The following FBXL13 variants were observed in gnomAD, a reference collection of about 807,000 sequenced individuals.
FBXL13 encodes F-box and leucine-rich repeat protein 13.
Under a neutral mutation model 83.6 loss-of-function variants are expected in FBXL13, and 67 were observed. That is an observed-to-expected ratio of 0.80 (90% CI 0.66 to 0.98). The LOEUF (loss-of-function observed/expected upper bound fraction) is 0.98. Among genes scored for constraint, FBXL13 ranks in the 50% least tolerant of loss-of-function variants. FBXL13 has a pLI of 0.00. For missense variants in FBXL13, 822 were observed against 866.5 expected (o/e 0.95, Z 0.64); for synonymous variants, 272 against 299.5 (o/e 0.91, Z 0.95).
intron 9 of FBXL13, among the ~76,000 whole-genome samples, chr7:102,928,855 G>A (rs978853215): frequency 2.0e-5 from 3 of 152,188 alleles, no homozygotes; most frequent in Admixed American, 6.5e-5. Context: ...AGGAGCCCAC[G>A]TTCACTTTGC....
Position 103,037,157 on chromosome 7 carries a change from C to T in FBXL13, c.1-7739G>A, listed in dbSNP as rs1314033111. Among the ~76,000 whole-genome samples the T allele has an allele frequency of 2.0e-5, 3 of 152,298 alleles. No homozygotes were observed. In the East Asian group the frequency reaches 5.8e-4, roughly 29 times the overall value. ...ATATCTTCATTACTTCCACACTTTA[C>T]TTAATGTTTTACTCCTTCCTGATTA... On this transcript the variant is annotated intron_variant, in intron 2 of 19. Transcript: ENST00000313221.
chr7:102,908,945 G>C (rs1209822177), intron 11 of FBXL13, among the ~76,000 whole-genome samples: 1 of 152,230 alleles, frequency 6.6e-6, no homozygotes, highest in African/African-American at 2.4e-5. Flanking sequence ...ACAATCAGCA[G>C]GTGGCAAGGC....
At chr7:103,047,502 C>T (rs1226673281) in intron 2 of FBXL13, among the ~76,000 whole-genome samples, 2 of 152,082 alleles carry the variant, frequency 1.3e-5, no homozygotes, top group Non-Finnish European at 2.9e-5. Flanking sequence ...ATTTCACTAT[C>T]GGCTGGTTTA....
At chr7:102,903,400 T>C (rs954197623) in intron 11 of FBXL13, among the ~76,000 whole-genome samples, 1 of 152,144 alleles carries the variant, frequency 6.6e-6, no homozygotes. Context: ...TTGGATGCTC[T>C]TTATATCTTT....
At chr7:102,950,018 A>C (rs942623970) in intron 8 of FBXL13, among the ~76,000 whole-genome samples, 1 of 152,110 alleles carries the variant, frequency 6.6e-6, no homozygotes, top group African/African-American at 2.4e-5. Context: ...AGGCATGAGA[A>C]TTGTTTGAAC....
chr7:102,975,285 C>G (rs957663169), intron 6 of FBXL13, among the ~76,000 whole-genome samples: 4 of 152,342 alleles, frequency 2.6e-5, no homozygotes, highest in African/African-American at 9.6e-5. Context: ...CTACCTCTTA[C>G]ATTAGAGAGT....
intron 11 of FBXL13, among the ~76,000 whole-genome samples, chr7:102,890,668 G>A (rs1008150183): frequency 1.3e-5 from 2 of 152,212 alleles, no homozygotes; most frequent in South Asian, 2.1e-4. Flanking sequence ...TCCCTCTGCC[G>A]CTCTAAGGTA....
chr7:102,855,322 G>C (rs1368032049), intron 16 of FBXL13, among the ~76,000 whole-genome samples: 2 of 152,044 alleles, frequency 1.3e-5, no homozygotes, highest in African/African-American at 4.8e-5. Flanking sequence ...GAAGAGAATA[G>C]ATCTTTATAT....
chr7:102,938,488 C>T (rs6968023), intron 8 of FBXL13, among the ~76,000 whole-genome samples: 1 of 152,106 alleles, frequency 6.6e-6, no homozygotes, highest in African/African-American at 2.4e-5. Flanking sequence ...TAATTTCCTC[C>T]TCAAAATCAA....
chr7:102,884,217 T>C, exon 12 of FBXL13: 1 of 1,612,002 alleles, frequency 6.2e-7, no homozygotes, highest in Non-Finnish European at 8.5e-7. Context: ...TACCTACTTT[T>C]ACACAGTTGT....
chr7:103,000,372 G>T (rs1359981553), intron 6 of FBXL13, among the ~76,000 whole-genome samples: 1 of 152,098 alleles, frequency 6.6e-6, no homozygotes, highest in East Asian at 1.9e-4. Context: ...AACAATGAAT[G>T]AATTTTTAAA....
chr7:103,054,914 G>A (rs1214579947), intron 2 of FBXL13, among the ~76,000 whole-genome samples, 174 bp downstream of exon 3: 1 of 152,092 alleles, frequency 6.6e-6, no homozygotes. Flanking sequence ...AGGTTACTAT[G>A]AATGTGGCTT....
chr7:102,912,978 T>G (rs1227609807), intron 11 of FBXL13, 108 bp downstream of exon 12: 1 of 1,398,672 alleles, frequency 7.1e-7, no homozygotes, highest in Non-Finnish European at 9.6e-7. Context: ...CTCTGAAAAG[T>G]GTGCTGCGGT....
chr7:102,934,515 A>G, intron 8 of FBXL13: 1 of 1,611,876 alleles, frequency 6.2e-7, no homozygotes, highest in African/African-American at 1.3e-5. Context: ...CAAAAAAATA[A>G]AAAACTGCGG....
At chr7:102,993,481 A>G (rs1044195226) in intron 6 of FBXL13, among the ~76,000 whole-genome samples, 1 of 152,248 alleles carries the variant, frequency 6.6e-6, no homozygotes, top group African/African-American at 2.4e-5. Context: ...CAACACTTAC[A>G]TTATTAAACT....
chr7:102,843,443 AC>A (rs1268379340), intron 17 of FBXL13, among the ~76,000 whole-genome samples: 16 of 152,010 alleles, frequency 1.1e-4, no homozygotes, highest in Admixed American at 1.0e-3. Flanking sequence ...CATCTCAAAA[AC>A]AAAAACAAAA....
At chr7:102,908,037 CA>C (rs1326567564) in intron 11 of FBXL13, among the ~76,000 whole-genome samples, 1 of 152,096 alleles carries the variant, frequency 6.6e-6, no homozygotes. Flanking sequence ...CTAGAAAAAC[CA>C]TTTGACCCAG....
chr7:102,972,042 A>T (rs1399846732), intron 6 of FBXL13, among the ~76,000 whole-genome samples: 3 of 151,444 alleles, frequency 2.0e-5, no homozygotes, highest in Admixed American at 6.6e-5. Flanking sequence ...AAAAAAAAAA[A>T]TTTAAAGACA....
At chr7:103,054,390 GAA>G (rs5886240) in intron 2 of FBXL13, among the ~76,000 whole-genome samples, 17 of 120,452 alleles carry the variant, frequency 1.4e-4, no homozygotes, top group African/African-American at 2.5e-4. Flanking sequence ...ACTCCGTCTG[GAA>G]AAAAAAAAAA....
Sources: gnomAD v4.1 joint callset for allele counts (sites outside exome capture counted in the v4.1 genomes callset) on GRCh38, gnomAD v4.1.1 for gene constraint, MANE v1.5 for transcripts, NCBI Gene and HGNC (gene_info 2026-07-23, HGNC 2026-07-21) for gene names.